Variants in ATXN8OS observed in about 807,000 individuals in gnomAD.
ATXN8OS encodes ATXN8 opposite strand lncRNA, also known as ATXN8 opposite strand (non-protein coding).
chr13:70,127,043 C>G (rs1324565058), intron 2 of ATXN8OS, among the ~76,000 whole-genome samples: 2 of 151,856 alleles, frequency 1.3e-5, no homozygotes, highest in Non-Finnish European at 2.9e-5. Flanking sequence ...CTCTGTCACT[C>G]TATCTCTCTG....
intron 4 of ATXN8OS, among the ~76,000 whole-genome samples, chr13:70,158,183 G>T (rs968792913): frequency 6.6e-6 from 1 of 152,138 alleles, no homozygotes; most frequent in African/African-American, 2.4e-5. Flanking sequence ...ACTTTGGGAG[G>T]CCGAGGCAGG....
chr13:70,134,561 C>T (rs1388572239), intron 3 of ATXN8OS, among the ~76,000 whole-genome samples: 1 of 152,132 alleles, frequency 6.6e-6, no homozygotes, highest in Non-Finnish European at 1.5e-5. Flanking sequence ...AAAGCTCATC[C>T]CAAAGCCAGC....
intron 3 of ATXN8OS, among the ~76,000 whole-genome samples, chr13:70,140,147 G>A (rs1484257306): frequency 1.3e-5 from 2 of 152,066 alleles, no homozygotes; most frequent in African/African-American, 4.8e-5. Flanking sequence ...AACTGATGGA[G>A]TTAGTATATT....
intron 1 of ATXN8OS, among the ~76,000 whole-genome samples, chr13:70,110,780 A>G (rs77719311): frequency 2.6e-5 from 4 of 152,168 alleles, no homozygotes; most frequent in African/African-American, 7.2e-5. Context: ...AGTAACAAAT[A>G]TGAAGGAATT....
chr13:70,127,011 G>A (rs895341438), intron 2 of ATXN8OS, among the ~76,000 whole-genome samples: 1 of 151,706 alleles, frequency 6.6e-6, no homozygotes, highest in Non-Finnish European at 1.5e-5. Flanking sequence ...TTTATATACA[G>A]TTTTGTATTA....
intron 3 of ATXN8OS, among the ~76,000 whole-genome samples, chr13:70,144,407 T>A (rs529418809): frequency 6.6e-6 from 1 of 152,144 alleles, no homozygotes; most frequent in South Asian, 2.1e-4. Flanking sequence ...CCTAGTTGAG[T>A]AATTATTTTT....
At chr13:70,107,580 C>T (rs754747379), upstream of ATXN8OS, 4 of 1,604,140 alleles carry the variant, frequency 2.5e-6, no homozygotes, top group Non-Finnish European at 3.4e-6. Context: ...CACTGCCGTC[C>T]TGTTGCAGGC....
At chr13:70,126,327 G>C (rs1359323046) in intron 2 of ATXN8OS, among the ~76,000 whole-genome samples, 3 of 151,888 alleles carry the variant, frequency 2.0e-5, no homozygotes, top group African/African-American at 4.8e-5. Context: ...CTTTCTCATG[G>C]TACAAAAAAA....
At chr13:70,122,018 T>C (rs1286024944) in intron 2 of ATXN8OS, among the ~76,000 whole-genome samples, 1 of 152,068 alleles carries the variant, frequency 6.6e-6, no homozygotes, top group African/African-American at 2.4e-5. Context: ...TGCACATTTT[T>C]TATTTGTGTC....
intron 2 of ATXN8OS, among the ~76,000 whole-genome samples, chr13:70,121,632 C>A (rs1888361270): frequency 1.3e-5 from 2 of 152,034 alleles, no homozygotes; most frequent in South Asian, 2.1e-4. Flanking sequence ...TACAGATGAG[C>A]TCTCTTAATT....
chr13:70,165,235 A>G (rs927990804), intron 4 of ATXN8OS, among the ~76,000 whole-genome samples: 1 of 151,912 alleles, frequency 6.6e-6, no homozygotes, highest in Admixed American at 6.6e-5. Flanking sequence ...AGAGCATAGA[A>G]GAGTAACAAA....
chr13:70,149,362 G>A lies in ATXN8OS; in HGVS notation n.573+1934G>A, dbSNP rs909992596. Reference sequence around the variant, plus strand: ...GCATTTTATAGGAAAACATAGGATTGTAATAACATTAAATTATGTATATAT... The same window carrying A: ...GCATTTTATAGGAAAACATAGGATTATAATAACATTAAATTATGTATATAT... On this transcript the variant is annotated intron_variant and non_coding_transcript_variant, in intron 4 of 4. Coordinates refer to ENST00000678624, the Ensembl canonical transcript of ATXN8OS. 3.3e-5 allele frequency among the ~76,000 whole-genome samples: 5 copies of A among 152,018 alleles called. No individual in the cohort carries two copies. The East Asian group carries it at 7.7e-4, about 23-fold the overall frequency.
At chr13:70,112,920 A>ATATATATTTTTTTTT (rs1555298511) in intron 1 of ATXN8OS, among the ~76,000 whole-genome samples, 1 of 87,590 alleles carries the variant, frequency 1.1e-5, no homozygotes. Context: ...TATATATATA[A>ATATATATTTTTTTTT]TTTTTTTTTT....
intron 4 of ATXN8OS, among the ~76,000 whole-genome samples, chr13:70,163,653 A>G (rs1444990051): frequency 6.6e-6 from 1 of 152,028 alleles, no homozygotes; most frequent in Non-Finnish European, 1.5e-5. Context: ...AAAAGTCATT[A>G]AAACCTAGAA....
intron 4 of ATXN8OS, among the ~76,000 whole-genome samples, chr13:70,164,093 T>C (rs879662225): frequency 1.2e-4 from 17 of 145,796 alleles, no homozygotes; most frequent in East Asian, 2.0e-4. Context: ...TTATTATTAT[T>C]ATCCTGTTTC....
At chr13:70,131,858 C>A (rs997035559) in intron 3 of ATXN8OS, among the ~76,000 whole-genome samples, 1 of 152,106 alleles carries the variant, frequency 6.6e-6, no homozygotes. Context: ...CACCTAACTC[C>A]TAACAAAGTA....
At chr13:70,170,074 A>G (rs1889127609) in exon 5 of ATXN8OS, among the ~76,000 whole-genome samples, 1 of 152,132 alleles carries the variant, frequency 6.6e-6, no homozygotes, top group Non-Finnish European at 1.5e-5. Context: ...ACACTCACAA[A>G]GTAATTTTTA....
chr13:70,165,989 T>G (rs2137507486), intron 4 of ATXN8OS, among the ~76,000 whole-genome samples: 1 of 152,158 alleles, frequency 6.6e-6, no homozygotes, highest in African/African-American at 2.4e-5. Flanking sequence ...ACATTTTCCT[T>G]TGATTGTTGA....
intron 1 of ATXN8OS, among the ~76,000 whole-genome samples, chr13:70,111,768 G>T (rs758421338): frequency 6.6e-6 from 1 of 151,912 alleles, no homozygotes; most frequent in African/African-American, 2.4e-5. Flanking sequence ...TATCTTTTTG[G>T]CAGGCCTTCT....
Sources: allele counts gnomAD v4.1 joint callset (sites outside exome capture counted in the v4.1 genomes callset), GRCh38; gene constraint gnomAD v4.1.1; transcripts MANE v1.5; gene names NCBI Gene and HGNC (gene_info 2026-07-23, HGNC 2026-07-21).